PTPRT: variants seen among roughly 807,000 people sequenced by gnomAD.
The protein encoded by PTPRT is protein tyrosine phosphatase receptor type T, also known as receptor-type tyrosine-protein phosphatase T.
PTPRT carries 56 observed loss-of-function variants against 176.8 expected under a neutral mutation model. That is an observed-to-expected ratio of 0.32 (90% CI 0.26 to 0.40). The LOEUF is 0.40. PTPRT is among the 10% of genes least tolerant of loss of function. PTPRT has a pLI of 1.00. For missense variants in PTPRT, 1,540 were observed against 1,908.2 expected, an observed-to-expected ratio of 0.81 and a Z score of 3.60; for synonymous variants, 783 against 739.0, an observed-to-expected ratio of 1.06 and a Z score of -0.96.
chr20:42,824,900 G>T (rs2077965990), intron 2 of PTPRT, among the ~76,000 whole-genome samples: 1 of 151,750 alleles, frequency 6.6e-6, no homozygotes, highest in Non-Finnish European at 1.5e-5. Flanking sequence ...CCATAAAAAA[G>T]CTTATAATAT....
intron 1 of PTPRT, among the ~76,000 whole-genome samples, chr20:43,166,446 T>G (rs976359763): frequency 2.0e-5 from 3 of 152,258 alleles, no homozygotes; most frequent in Admixed American, 6.5e-5. Flanking sequence ...TTCCTCATTT[T>G]CTTCCATCAC....
the PTPRT span, among the ~76,000 whole-genome samples, chr20:42,060,330 A>G: frequency 6.6e-6 from 1 of 152,144 alleles, no homozygotes; most frequent in East Asian, 1.9e-4. Context: ...AGCCCCCTTT[A>G]TTTTATCACA....
chr20:42,835,388 G>T (rs752765903), intron 2 of PTPRT, among the ~76,000 whole-genome samples: 7 of 152,228 alleles, frequency 4.6e-5, no homozygotes, highest in Non-Finnish European at 8.8e-5. Context: ...GGGAAGGTTT[G>T]TAAGTGAGGA....
chr20:42,546,490 C>A (rs1237588481), intron 7 of PTPRT, among the ~76,000 whole-genome samples: 1 of 147,210 alleles, frequency 6.8e-6, no homozygotes, highest in Admixed American at 6.8e-5. Flanking sequence ...AAAAAAAAAA[C>A]AAGAAAGAAA....
At chr20:42,407,468 A>G (rs986940280) in intron 9 of PTPRT, among the ~76,000 whole-genome samples, 2 of 152,204 alleles carry the variant, frequency 1.3e-5, no homozygotes, top group African/African-American at 4.8e-5. Context: ...AATCCAGTAG[A>G]CATTCCTAAT....
intron 8 of PTPRT, among the ~76,000 whole-genome samples, chr20:42,453,144 C>T (rs958356475): frequency 1.3e-5 from 2 of 152,286 alleles, no homozygotes; most frequent in South Asian, 2.1e-4. Flanking sequence ...TGAGGTATCA[C>T]TACCCATGTA....
intron 1 of PTPRT, among the ~76,000 whole-genome samples, chr20:42,988,422 C>T (rs929415815): frequency 1.5e-4 from 23 of 152,154 alleles, no homozygotes; most frequent in African/African-American, 3.6e-4. Context: ...CTGTGCTCCA[C>T]GGGTCTGCTC....
At chr20:42,409,632 CTA>C (rs2058994762) in intron 9 of PTPRT, among the ~76,000 whole-genome samples, 1 of 151,896 alleles carries the variant, frequency 6.6e-6, no homozygotes, top group Non-Finnish European at 1.5e-5. Context: ...AATTGTGTCT[CTA>C]TTTTGTTTCT....
chr20:43,032,473 TAA>T (rs375146456), intron 1 of PTPRT, among the ~76,000 whole-genome samples: 1,293 of 121,588 alleles, frequency 0.011, 10 homozygotes, highest in African/African-American at 0.031. Context: ...ATCTTTTCAT[TAA>T]AAAAAAAAAA....
chr20:42,397,511 T>C (rs2058863409), intron 9 of PTPRT, among the ~76,000 whole-genome samples: 1 of 152,200 alleles, frequency 6.6e-6, no homozygotes, highest in Admixed American at 6.5e-5. Flanking sequence ...TTTATGTCCA[T>C]GTGTACTCAA....
At chr20:42,781,769 G>T (rs1404044542) in intron 3 of PTPRT, among the ~76,000 whole-genome samples, 1 of 152,070 alleles carries the variant, frequency 6.6e-6, no homozygotes, top group Non-Finnish European at 1.5e-5. Context: ...CTGCTTACAC[G>T]GAAGATACTA....
intron 2 of PTPRT, among the ~76,000 whole-genome samples, chr20:42,833,128 T>C (rs1186121448): frequency 4.6e-5 from 7 of 151,994 alleles, no homozygotes; most frequent in Admixed American, 3.9e-4. Context: ...ACTGAGAATA[T>C]GTTATCAAAG....
intron 7 of PTPRT, among the ~76,000 whole-genome samples, chr20:42,593,893 G>C (rs552676341): frequency 6.6e-6 from 1 of 152,322 alleles, no homozygotes; most frequent in South Asian, 2.1e-4. Flanking sequence ...ACGAGTTTAG[G>C]CTTCTCAATA....
the PTPRT span, among the ~76,000 whole-genome samples, chr20:42,052,904 A>G: frequency 6.6e-6 from 1 of 152,278 alleles, no homozygotes; most frequent in East Asian, 1.9e-4. Flanking sequence ...GAACTCATAA[A>G]TTAGAGCAGC....
At chr20:43,085,333 T>C (rs1749921773) in intron 1 of PTPRT, among the ~76,000 whole-genome samples, 2 of 152,308 alleles carry the variant, frequency 1.3e-5, no homozygotes, top group Middle Eastern at 3.4e-3. Flanking sequence ...GTTTTGTGTT[T>C]GGCTAGTGAT....
chr20:42,624,005 C>CAAAAAAAAAAAAACA (rs1159094345), intron 7 of PTPRT, among the ~76,000 whole-genome samples: 1 of 135,686 alleles, frequency 7.4e-6, no homozygotes, highest in African/African-American at 3.2e-5. Context: ...AAAACAATAG[C>CAAAAAAAAAAAAACA]AACAAACAAA....
chr20:42,891,123 G>A (rs1050948047), intron 1 of PTPRT, among the ~76,000 whole-genome samples: 5 of 152,120 alleles, frequency 3.3e-5, no homozygotes, highest in Admixed American at 6.5e-5. Flanking sequence ...GTGTGAAAAC[G>A]GACTAATACA....
At chr20:43,135,737 A>T (rs2013810600) in intron 1 of PTPRT, among the ~76,000 whole-genome samples, 1 of 152,242 alleles carries the variant, frequency 6.6e-6, no homozygotes, top group Non-Finnish European at 1.5e-5. Flanking sequence ...AGTGACCAAG[A>T]TATCACACAG....
chr20:42,141,295 C>T (rs1235792673), intron 18 of PTPRT, among the ~76,000 whole-genome samples: 1 of 152,236 alleles, frequency 6.6e-6, no homozygotes, highest in Non-Finnish European at 1.5e-5. Flanking sequence ...TAGCCCCGGG[C>T]TCCTGTGAGG....
Sources: gnomAD v4.1 joint callset for allele counts (sites outside exome capture counted in the v4.1 genomes callset) on GRCh38, gnomAD v4.1.1 for gene constraint, MANE v1.5 for transcripts, NCBI Gene and HGNC (gene_info 2026-07-23, HGNC 2026-07-21) for gene names.